Variants in SHTN1 observed in about 807,000 individuals in gnomAD.
SHTN1 encodes shootin-1.
In SHTN1, 42 loss-of-function variants were observed where a neutral mutation model predicts 83.1. The observed-to-expected ratio is 0.51, with a 90% CI of 0.39 to 0.65. The LOEUF is 0.65. Among genes scored for constraint, SHTN1 ranks in the 30% least tolerant of loss-of-function variants. The pLI, the probability that SHTN1 is intolerant of heterozygous loss-of-function variation, is 0.00. For synonymous variants in SHTN1, 224 were observed against 247.7 expected (o/e 0.90, Z 0.90); for missense variants, 622 against 737.8 (o/e 0.84, Z 1.82).
At chr10:117,097,804 CTATTT>C (rs778260719) in intron 1 of SHTN1, among the ~76,000 whole-genome samples, 16 of 152,270 alleles carry the variant, frequency 1.1e-4, no homozygotes, top group Admixed American at 2.0e-4. Context: ...AACTGCATCT[CTATTT>C]AAGACTCTTC....
Position 117,069,256 on chromosome 10 carries a change from A to G in SHTN1, c.-188-20746T>C, listed in dbSNP as rs137957116. Among the ~76,000 whole-genome samples, 428 of 152,324 alleles carry G rather than the reference A, an allele frequency of 2.8e-3. 2 individuals carry two copies. The highest frequency in any genetic ancestry group is 1.0e-2 in the African/African-American group (414 of 41,572). On this transcript the variant is annotated intron_variant, in intron 1 of 17. Coordinates refer to the SHTN1 transcript ENST00000392901. The stretch of plus-strand genomic sequence containing the variant: ...TGAAAAGTATTCACTGCATTTAGGA[A>G]GCAGAAGGTTGCATCGATCTTTACT...
At position 116,982,728 on chromosome 10, in the gene SHTN1, G is replaced by T. The variant is rs182458406; in HGVS notation, c.59-3420C>A. 1.6e-3 allele frequency among the ~76,000 whole-genome samples: 249 copies of T among 152,190 alleles called. 3 individuals are homozygous for T. Among genetic ancestry groups the T allele is most frequent in the East Asian group, 1.2e-3 (6 of 5,182 alleles). On this transcript the variant is annotated intron_variant, in intron 1 of 16. Coordinates refer to ENST00000355371, the MANE Select transcript of SHTN1 (RefSeq NM_001127211.3). ...TCCCAACATGTTGGGAGGCCAAGGT[G>T]GGGGGGAATCACTTGAGGTCAAGAG...
intron 15 of SHTN1, 54 bp from the exon 16 acceptor site, chr10:116,902,011 T>C (rs929158235): frequency 2.1e-6 from 3 of 1,440,518 alleles, no homozygotes; most frequent in African/African-American, 1.5e-5. Context: ...TGCTTATTAA[T>C]ATGGTACTGA....
chr10:116,904,776 T>A (rs1465354545), intron 15 of SHTN1, among the ~76,000 whole-genome samples: 1 of 152,216 alleles, frequency 6.6e-6, no homozygotes, highest in African/African-American at 2.4e-5. Context: ...AACTCTGAAA[T>A]GTGAGTATTG....
At chr10:117,023,215 G>A in intron 2 of SHTN1, among the ~76,000 whole-genome samples, 1 of 152,114 alleles carries the variant, frequency 6.6e-6, no homozygotes, top group Non-Finnish European at 1.5e-5. Flanking sequence ...ATAAGTCTTT[G>A]TCAAAATGTT....
At chr10:117,017,486 G>A (rs1322879802) in intron 2 of SHTN1, among the ~76,000 whole-genome samples, 8 of 57,440 alleles carry the variant, frequency 1.4e-4, no homozygotes, top group African/African-American at 3.1e-4. Context: ...GCGAGACTCC[G>A]TCTCAAAAAA....
At chr10:116,916,939 A>G (rs149860599) in intron 12 of SHTN1, among the ~76,000 whole-genome samples, 1 of 152,340 alleles carries the variant, frequency 6.6e-6, no homozygotes, top group East Asian at 1.9e-4. Context: ...AGAAGTCAAA[A>G]CAAGTATCTT....
At chr10:117,005,363 C>T (rs1380386234), upstream of SHTN1, 2 of 1,240,422 alleles carry the variant, frequency 1.6e-6, no homozygotes, top group Non-Finnish European at 2.0e-6. Flanking sequence ...GCTATGCCAG[C>T]CTGTGGCTGC....
chr10:117,028,280 G>C lies in SHTN1; in HGVS notation c.-123+20165C>G, dbSNP rs11818226. 4.1e-3 allele frequency among the ~76,000 whole-genome samples: 623 copies of C among 152,258 alleles called. 6 individuals carry two copies. Among genetic ancestry groups the C allele is most frequent in the African/African-American group, 0.015 (604 of 41,538 alleles). On this transcript the variant is annotated intron_variant, in intron 2 of 17. Transcript: ENST00000392901. Reference sequence around the variant, plus strand: ...GCCTTTGTTCATATGTGTGAGAAAAGAAATGACCTAAAGTTGGAACTTATT... The same window carrying C: ...GCCTTTGTTCATATGTGTGAGAAAACAAATGACCTAAAGTTGGAACTTATT...
At chr10:117,059,494 G>T (rs766725459) in intron 1 of SHTN1, among the ~76,000 whole-genome samples, 1 of 152,126 alleles carries the variant, frequency 6.6e-6, no homozygotes, top group Non-Finnish European at 1.5e-5. Context: ...CAAGTGAATC[G>T]CTAAGTACAC....
At chr10:116,972,457 A>T (rs1337368713) in intron 2 of SHTN1, among the ~76,000 whole-genome samples, 1 of 152,214 alleles carries the variant, frequency 6.6e-6, no homozygotes, top group Non-Finnish European at 1.5e-5. Flanking sequence ...TAAAAGCAGA[A>T]ATCCAAACAC....
chr10:116,981,957 C>A (rs1309547009), intron 1 of SHTN1, among the ~76,000 whole-genome samples: 1 of 152,120 alleles, frequency 6.6e-6, no homozygotes, highest in Non-Finnish European at 1.5e-5. Flanking sequence ...TACTCAGAGG[C>A]TAAGGCAGAA....
At chr10:117,086,702 A>G (rs1853357785) in intron 1 of SHTN1, among the ~76,000 whole-genome samples, 1 of 152,230 alleles carries the variant, frequency 6.6e-6, no homozygotes, top group Non-Finnish European at 1.5e-5. Flanking sequence ...GCGAGTCCTC[A>G]AAAAGTTAAA....
At chr10:116,920,848 T>C (rs368810380) in intron 12 of SHTN1, among the ~76,000 whole-genome samples, 2 of 151,984 alleles carry the variant, frequency 1.3e-5, no homozygotes, top group African/African-American at 2.4e-5. Context: ...TTTAAAATGG[T>C]TTTACCCTAA....
At chr10:117,099,137 A>C (rs558569342) in intron 1 of SHTN1, among the ~76,000 whole-genome samples, 1 of 152,238 alleles carries the variant, frequency 6.6e-6, no homozygotes, top group African/African-American at 2.4e-5. Flanking sequence ...ATGGAAAAAA[A>C]TACTCTATGT....
chr10:117,044,970 G>C (rs1852640014), intron 2 of SHTN1, among the ~76,000 whole-genome samples: 1 of 152,108 alleles, frequency 6.6e-6, no homozygotes. Context: ...TATATGCAGA[G>C]CAAGTATTTA....
At chr10:117,123,211 A>C (rs1209575610) in intron 1 of SHTN1, among the ~76,000 whole-genome samples, 1 of 152,212 alleles carries the variant, frequency 6.6e-6, no homozygotes, top group Non-Finnish European at 1.5e-5. Flanking sequence ...CATGTTGGTC[A>C]GGCTGGTCTC....
At chr10:117,109,360 ACACT>A (rs753506908) in intron 1 of SHTN1, among the ~76,000 whole-genome samples, 18 of 152,152 alleles carry the variant, frequency 1.2e-4, no homozygotes, top group Non-Finnish European at 1.9e-4. Flanking sequence ...AGCACAGTAG[ACACT>A]CAATACATGT....
upstream of SHTN1, among the ~76,000 whole-genome samples, chr10:117,007,418 T>A (rs1341326272): frequency 6.6e-6 from 1 of 151,858 alleles, no homozygotes; most frequent in African/African-American, 2.4e-5. Flanking sequence ...AAATCTATAA[T>A]CAAACTTTTG....
Sources: gnomAD v4.1 joint callset for allele counts (sites outside exome capture counted in the v4.1 genomes callset) on GRCh38, gnomAD v4.1.1 for gene constraint, MANE v1.5 for transcripts, NCBI Gene and HGNC (gene_info 2026-07-23, HGNC 2026-07-21) for gene names.